The following TNR variants were observed in gnomAD, a reference collection of about 807,000 sequenced individuals.
TNR encodes tenascin R.
TNR carries 45 observed loss-of-function variants against 150.4 expected under a neutral mutation model. The ratio of observed to expected loss-of-function variants is 0.30; its 90% CI spans 0.24 to 0.38. TNR has a LOEUF of 0.38. Ranked by LOEUF, TNR falls within the 10% of genes least tolerant of loss-of-function variation. The probability of loss-of-function intolerance (pLI) is 1.00; values close to 1 mark genes in which losing one functional copy is unlikely to be tolerated. For missense variants in TNR, 1,544 were observed against 1,759.1 expected (o/e 0.88, Z 2.19); for synonymous variants, 687 against 678.4 (o/e 1.01, Z -0.20).
chr1:175,391,924 T>A (rs1266278592), intron 6 of TNR, among the ~76,000 whole-genome samples: 2 of 152,228 alleles, frequency 1.3e-5, no homozygotes, highest in South Asian at 2.1e-4. Flanking sequence ...TATGAGATAA[T>A]TGTTTATGAG....
intron 1 of TNR, among the ~76,000 whole-genome samples, chr1:175,573,458 C>T (rs1661969926): frequency 6.6e-6 from 1 of 152,122 alleles, no homozygotes; most frequent in Admixed American, 6.5e-5. Flanking sequence ...GCTTGCTAAG[C>T]AAAGTAAGAT....
chr1:175,526,013 T>A (rs1659835484), intron 2 of TNR, among the ~76,000 whole-genome samples: 1 of 150,160 alleles, frequency 6.7e-6, no homozygotes, highest in Non-Finnish European at 1.5e-5. Context: ...TTTTGCTGGT[T>A]TTTTTTTTTA....
intron 22 of TNR, among the ~76,000 whole-genome samples, 191 bp from the exon 23 acceptor site, chr1:175,323,667 G>A (rs1368930958): frequency 3.9e-5 from 6 of 152,192 alleles, no homozygotes; most frequent in Non-Finnish European, 8.8e-5. Context: ...CTCCTTAAAT[G>A]TGCCGGTGGC....
At chr1:175,575,046 T>C (rs1294589353) in intron 1 of TNR, among the ~76,000 whole-genome samples, 1 of 152,224 alleles carries the variant, frequency 6.6e-6, no homozygotes, top group African/African-American at 2.4e-5. Flanking sequence ...CTCTCTGCCT[T>C]CTGGAGGCCT....
intron 1 of TNR, among the ~76,000 whole-genome samples, chr1:175,652,909 TG>T (rs1665043623): frequency 6.6e-6 from 1 of 152,200 alleles, no homozygotes. Flanking sequence ...GAAAGCAAAT[TG>T]GCTAACAATA....
intron 1 of TNR, among the ~76,000 whole-genome samples, chr1:175,678,187 C>T (rs1425250405): frequency 1.3e-5 from 2 of 152,196 alleles, no homozygotes; most frequent in Non-Finnish European, 2.9e-5. Flanking sequence ...AAACAGCATC[C>T]CTTCCTAAGG....
intron 1 of TNR, among the ~76,000 whole-genome samples, chr1:175,631,161 AAT>A (rs952338684): frequency 9.9e-5 from 15 of 152,196 alleles, no homozygotes; most frequent in African/African-American, 3.6e-4. Context: ...TTAATACAGA[AAT>A]ATATATGTGT....
intron 1 of TNR, among the ~76,000 whole-genome samples, chr1:175,704,202 G>A (rs1251892758): frequency 1.3e-5 from 2 of 152,258 alleles, no homozygotes; most frequent in East Asian, 3.9e-4. Flanking sequence ...TGATTAAAAT[G>A]TTAAATTTTA....
intron 1 of TNR, among the ~76,000 whole-genome samples, chr1:175,632,772 C>T (rs748966520): frequency 6.6e-6 from 1 of 152,106 alleles, no homozygotes; most frequent in African/African-American, 2.4e-5. Flanking sequence ...GGGAAGTTGG[C>T]GACCTGCCTA....
chr1:175,661,223 G>T (rs1665360500), intron 1 of TNR, among the ~76,000 whole-genome samples: 1 of 152,216 alleles, frequency 6.6e-6, no homozygotes, highest in Admixed American at 6.5e-5. Flanking sequence ...CACCCTCGCT[G>T]AGGCACCAGA....
chr1:175,668,368 T>C (rs1465759531), intron 1 of TNR, among the ~76,000 whole-genome samples: 3 of 151,476 alleles, frequency 2.0e-5, no homozygotes, highest in Non-Finnish European at 4.4e-5. Flanking sequence ...CTAAGTGTCA[T>C]CGTCAGCCCC....
chr1:175,548,984 G>C (rs1660829105), intron 1 of TNR, among the ~76,000 whole-genome samples: 1 of 152,216 alleles, frequency 6.6e-6, no homozygotes, highest in Admixed American at 6.5e-5. Flanking sequence ...CCTGTGCCAA[G>C]GAGCTGTCTC....
At chr1:175,497,866 C>T (rs1658552930) in intron 2 of TNR, among the ~76,000 whole-genome samples, 1 of 152,144 alleles carries the variant, frequency 6.6e-6, no homozygotes, top group Non-Finnish European at 1.5e-5. Flanking sequence ...TTGAGACCAG[C>T]CTGGCCAACA....
chr1:175,340,275 G>C (rs890745624), intron 18 of TNR, among the ~76,000 whole-genome samples: 1 of 152,158 alleles, frequency 6.6e-6, no homozygotes, highest in African/African-American at 2.4e-5. Flanking sequence ...CATCGTTGCT[G>C]GGTGCGCTTG....
intron 2 of TNR, among the ~76,000 whole-genome samples, chr1:175,430,979 C>T (rs906090940): frequency 1.3e-5 from 2 of 152,102 alleles, no homozygotes; most frequent in East Asian, 1.9e-4. Flanking sequence ...TTTGGGCATC[C>T]TTATGTTGCA....
At chr1:175,575,910 T>C (rs1029221378) in intron 1 of TNR, among the ~76,000 whole-genome samples, 9 of 152,114 alleles carry the variant, frequency 5.9e-5, no homozygotes, top group Admixed American at 3.9e-4. Flanking sequence ...TCCTGGGAGC[T>C]GTGGGGGCAA....
chr1:175,386,462 A>G (rs1382281085), intron 7 of TNR, among the ~76,000 whole-genome samples, 161 bp from the exon 8 acceptor site: 1 of 152,174 alleles, frequency 6.6e-6, no homozygotes, highest in African/African-American at 2.4e-5. Context: ...AGTAAGATGA[A>G]TATCTTTCCT....
chr1:175,452,032 C>G (rs549813262), intron 2 of TNR, among the ~76,000 whole-genome samples: 1 of 152,284 alleles, frequency 6.6e-6, no homozygotes, highest in South Asian at 2.1e-4. Flanking sequence ...GGCTCCCACT[C>G]AGGGGCAACC....
At chr1:175,481,600 CAG>C (rs1397455419) in intron 2 of TNR, among the ~76,000 whole-genome samples, 1 of 152,136 alleles carries the variant, frequency 6.6e-6, no homozygotes, top group Non-Finnish European at 1.5e-5. Flanking sequence ...GCAGAATAAT[CAG>C]AGCAGAAACC....
Sources: allele counts gnomAD v4.1 joint callset (sites outside exome capture counted in the v4.1 genomes callset), GRCh38; gene constraint gnomAD v4.1.1; transcripts MANE v1.5; gene names NCBI Gene and HGNC (gene_info 2026-07-23, HGNC 2026-07-21).